The following MAST4 variants were observed in gnomAD, a reference collection of about 807,000 sequenced individuals.
MAST4 encodes microtubule-associated serine/threonine-protein kinase 4.
Under a neutral mutation model 162.7 loss-of-function variants are expected in MAST4, and 89 were observed. The ratio of observed to expected loss-of-function variants is 0.55; its 90% CI spans 0.46 to 0.65. The LOEUF is 0.65. Among genes scored for constraint, MAST4 ranks in the 30% least tolerant of loss-of-function variants. The probability of loss-of-function intolerance (pLI) is 0.00; values close to 1 mark genes in which losing one functional copy is unlikely to be tolerated. For missense variants in MAST4, 3,153 were observed against 3,374.0 expected, an observed-to-expected ratio of 0.93 and a Z score of 1.62; for synonymous variants, 1,479 against 1,361.1, an observed-to-expected ratio of 1.09 and a Z score of -1.91.
rs548297246 is a variant in MAST4, at chr5:66,779,812, G to A, written c.518-8858G>A. On this transcript the variant is annotated intron_variant, in intron 2 of 28. Transcript: ENST00000403625. ...GAGTCATGAATTGTGCCCAGATTTA[G>A]ACAGTGACTCTTTGCGGTCTTTGCC... Among the ~76,000 whole-genome samples the A allele has an allele frequency of 1.8e-4, 27 of 152,314 alleles. No individual in the cohort carries two copies. In the South Asian group the frequency reaches 4.8e-3, roughly 27 times the overall value.
intron 3 of MAST4, chr5:66,789,763 A>G (rs773715735): frequency 4.4e-5 from 23 of 518,790 alleles, no homozygotes; most frequent in Non-Finnish European, 6.2e-5. Flanking sequence ...ATCTATGAGC[A>G]ACCTGGGAGG....
At chr5:66,619,723 A>C (rs1481409419) in intron 1 of MAST4, among the ~76,000 whole-genome samples, 2 of 152,100 alleles carry the variant, frequency 1.3e-5, no homozygotes, top group African/African-American at 4.8e-5. Flanking sequence ...TATTCAGCAT[A>C]CTTCTTTATT....
At chr5:66,769,201 G>A (rs547482504) in intron 2 of MAST4, among the ~76,000 whole-genome samples, 10 of 152,290 alleles carry the variant, frequency 6.6e-5, no homozygotes, top group Admixed American at 2.6e-4. Context: ...AACAGAGAGA[G>A]GCCTGGTCAA....
intron 24 of MAST4, among the ~76,000 whole-genome samples, chr5:67,151,767 CTTTTTTT>C (rs1163541260): frequency 8.6e-6 from 1 of 115,654 alleles, no homozygotes; most frequent in East Asian, 2.5e-4. Context: ...TTCTTTTTTT[CTTTTTTT>C]TTTTTTTTTT....
At chr5:67,057,457 T>C (rs1484191827) in intron 5 of MAST4, among the ~76,000 whole-genome samples, 2 of 151,850 alleles carry the variant, frequency 1.3e-5, no homozygotes. Context: ...GACATTAATT[T>C]GTGTAGGGGT....
At chr5:66,776,399 G>A (rs1395363413) in intron 2 of MAST4, among the ~76,000 whole-genome samples, 1 of 152,138 alleles carries the variant, frequency 6.6e-6, no homozygotes, top group Non-Finnish European at 1.5e-5. Context: ...AATATAAGTT[G>A]TCCTCTGGGG....
At position 66,615,441 on chromosome 5, in the gene MAST4, T is replaced by C. The variant is rs181903487; in HGVS notation, c.363+18423T>C. Among the ~76,000 whole-genome samples, 89 of 152,280 alleles carry C rather than the reference T, an allele frequency of 5.8e-4. 3 individuals are homozygous for C. The East Asian group carries it at 0.016, about 27-fold the overall frequency. On this transcript the variant is annotated intron_variant, in intron 1 of 28. Coordinates refer to ENST00000403625, the MANE Select transcript of MAST4 (RefSeq NM_001164664.2). ...AGCAAGCACAACAGGCTAGAGGCCC[T>C]TTGCTTCTGTGACATCCGAGGAATA...
rs1416431468 is a variant in MAST4, at chr5:67,066,190, ATATT to A, written c.763+11699_763+11702del. ...AAACTTCTATTTACAAAAGCTGTAT[ATATT>A]CAGTGTAGAAAACTTGGAAAATATA... On this transcript the variant is annotated intron_variant, in intron 5 of 28. Transcript: ENST00000403625. 7.2e-5 allele frequency among the ~76,000 whole-genome samples: 11 copies of A among 152,294 alleles called. 1 individual carries two copies. The East Asian group carries it at 2.1e-3, about 29-fold the overall frequency.
chr5:66,711,732 G>T (rs569592241), intron 1 of MAST4, among the ~76,000 whole-genome samples: 1 of 152,304 alleles, frequency 6.6e-6, no homozygotes, highest in African/African-American at 2.4e-5. Context: ...CTACTCAGGA[G>T]GCTGATGCAG....
chr5:66,861,841 A>G (rs1760141253), intron 3 of MAST4, among the ~76,000 whole-genome samples: 1 of 152,196 alleles, frequency 6.6e-6, no homozygotes, highest in African/African-American at 2.4e-5. Context: ...ACACCCCGGT[A>G]GAAGATGTGA....
intron 5 of MAST4, among the ~76,000 whole-genome samples, chr5:67,076,494 TTC>T (rs1249967401): frequency 2.0e-5 from 3 of 152,190 alleles, no homozygotes; most frequent in African/African-American, 4.8e-5. Context: ...TTTCTGTTTA[TTC>T]TCTCTGTTAT....
intron 1 of MAST4, among the ~76,000 whole-genome samples, chr5:66,666,482 G>A (rs947536547): frequency 6.6e-6 from 1 of 152,182 alleles, no homozygotes; most frequent in Non-Finnish European, 1.5e-5. Flanking sequence ...ATAAAATGGA[G>A]TATTCATTGT....
At chr5:67,072,185 T>C (rs1761075534) in intron 5 of MAST4, among the ~76,000 whole-genome samples, 1 of 152,198 alleles carries the variant, frequency 6.6e-6, no homozygotes, top group Non-Finnish European at 1.5e-5. Context: ...AACTTTACTT[T>C]GAAATATAAA....
At chr5:66,755,989 T>C (rs1561309397) in intron 1 of MAST4, among the ~76,000 whole-genome samples, 3 of 152,326 alleles carry the variant, frequency 2.0e-5, no homozygotes, top group South Asian at 2.1e-4. Flanking sequence ...ATTCTGGTGA[T>C]TGGCATTTCT....
At position 66,926,320 on chromosome 5, in the gene MAST4, G is replaced by A. The variant is rs193186530; in HGVS notation, c.674+26338G>A. On this transcript the variant is annotated intron_variant, in intron 4 of 28. Coordinates refer to ENST00000403625, the MANE Select transcript of MAST4 (RefSeq NM_001164664.2). ...CCCAGCACTTTGGGAGGCCAAGATG[G>A]GTGGATCACCTGAGGTCAGGAGTTC... is the stretch of plus-strand genomic sequence containing the variant. Among the ~76,000 whole-genome samples, 15 of 152,224 alleles carry A rather than the reference G, an allele frequency of 9.9e-5. No homozygotes were observed. The East Asian group carries it at 2.9e-3, about 29-fold the overall frequency.
intron 4 of MAST4, among the ~76,000 whole-genome samples, chr5:66,982,315 T>C (rs994761552): frequency 8.5e-5 from 13 of 152,236 alleles, no homozygotes; most frequent in African/African-American, 2.9e-4. Flanking sequence ...TTAGGGAGAC[T>C]AAAGTCGATT....
chr5:67,151,549 G>C (rs1406376836), intron 24 of MAST4, among the ~76,000 whole-genome samples: 12 of 152,300 alleles, frequency 7.9e-5, no homozygotes, highest in African/African-American at 2.4e-4. Context: ...CTAAAACAAA[G>C]AAAGCAGTAG....
chr5:67,046,866 A>C (rs1169041953), intron 4 of MAST4, among the ~76,000 whole-genome samples: 1 of 152,176 alleles, frequency 6.6e-6, no homozygotes, highest in Non-Finnish European at 1.5e-5. Context: ...TAATGCCTTT[A>C]GAAGAGTTTT....
chr5:67,151,359 G>C (rs1771784993), intron 24 of MAST4, among the ~76,000 whole-genome samples: 1 of 152,130 alleles, frequency 6.6e-6, no homozygotes, highest in South Asian at 2.1e-4. Context: ...ATGGCAGAAG[G>C]GAAGAACAAG....
Sources: allele counts gnomAD v4.1 joint callset (sites outside exome capture counted in the v4.1 genomes callset), GRCh38; gene constraint gnomAD v4.1.1; transcripts MANE v1.5; gene names NCBI Gene and HGNC (gene_info 2026-07-23, HGNC 2026-07-21).